Variants in PDE7B observed in about 807,000 individuals in gnomAD.
PDE7B encodes 3',5'-cyclic-AMP phosphodiesterase 7B.
In PDE7B, 29 loss-of-function variants were observed where a neutral mutation model predicts 56.2. The ratio of observed to expected loss-of-function variants is 0.52; its 90% CI spans 0.38 to 0.70. The LOEUF (loss-of-function observed/expected upper bound fraction) is 0.70, where lower values mean the gene tolerates loss of function less well. PDE7B is among the 30% of genes least tolerant of loss of function. PDE7B has a pLI of 0.00. For missense variants in PDE7B, 490 were observed against 565.0 expected (o/e 0.87, Z 1.35); for synonymous variants, 197 against 196.9 (o/e 1.00, Z 0.00).
At position 136,193,819 on chromosome 6, in the gene PDE7B, G is replaced by A. The variant is rs1314226886; in HGVS notation, c.*1979G>A. The A allele has an allele frequency of 1.3e-5, 2 of 152,210 alleles. No homozygotes were observed. Among genetic ancestry groups the A allele is most frequent in the Non-Finnish European group, 2.9e-5 (2 of 68,038 alleles). The allele number at this position is 152,210 out of a possible 1,614,324, so 9.4% of individuals were successfully genotyped here. A position where few individuals can be genotyped will look rare whatever the true frequency, so the allele number is the denominator to read the frequency against. On this transcript the variant is annotated 3_prime_UTR_variant, in exon 13 of 13. Transcript: ENST00000308191. The stretch of plus-strand genomic sequence containing the variant: ...AGGCTTGCAGAATTAAGGTTCAGGG[G>A]AAATTTTGGAAAGTTGGTTGTATTT...
intron 1 of PDE7B, among the ~76,000 whole-genome samples, chr6:135,888,136 T>G (rs1328401764): frequency 1.3e-5 from 2 of 152,158 alleles, no homozygotes; most frequent in East Asian, 3.8e-4. Flanking sequence ...CCCACGTAAT[T>G]GCTATGATAC....
intron 2 of PDE7B, among the ~76,000 whole-genome samples, chr6:136,042,279 C>T (rs535446046): frequency 6.6e-6 from 1 of 152,312 alleles, no homozygotes; most frequent in East Asian, 1.9e-4. Context: ...TAAGTAGCTT[C>T]TCAGATGCTG....
intron 1 of PDE7B, among the ~76,000 whole-genome samples, chr6:135,900,376 T>C (rs1449293635): frequency 6.6e-6 from 1 of 152,166 alleles, no homozygotes; most frequent in Non-Finnish European, 1.5e-5. Flanking sequence ...TTTACATCCT[T>C]GTCCTCAACT....
intron 2 of PDE7B, among the ~76,000 whole-genome samples, chr6:136,010,228 AT>A (rs999513263): frequency 5.3e-5 from 8 of 151,912 alleles, no homozygotes; most frequent in East Asian, 3.9e-4. Context: ...GTTTTGAGCA[AT>A]TTTTTTTATT....
chr6:136,102,759 A>C (rs1777584315), intron 2 of PDE7B, among the ~76,000 whole-genome samples: 1 of 152,174 alleles, frequency 6.6e-6, no homozygotes, highest in Admixed American at 6.5e-5. Context: ...AAAAATGAGG[A>C]TAGCTCTTGT....
At chr6:136,191,037 T>A (rs796326355) in intron 12 of PDE7B, among the ~76,000 whole-genome samples, 47 of 143,198 alleles carry the variant, frequency 3.3e-4, no homozygotes, top group Middle Eastern at 3.6e-3. Context: ...TTTTTTTTTT[T>A]ACTTATATGT....
At chr6:136,140,779 T>C (rs966323849) in intron 3 of PDE7B, among the ~76,000 whole-genome samples, 1 of 152,210 alleles carries the variant, frequency 6.6e-6, no homozygotes, top group Non-Finnish European at 1.5e-5. Flanking sequence ...CTGTTATTGG[T>C]GTATAAGAAT....
intron 12 of PDE7B, among the ~76,000 whole-genome samples, chr6:136,187,456 G>A (rs1219359983): frequency 6.6e-6 from 1 of 152,114 alleles, no homozygotes; most frequent in African/African-American, 2.4e-5. Context: ...CTTGAAGGTG[G>A]GAATCAGCAG....
chr6:136,016,538 A>G lies in PDE7B; in HGVS notation c.82+69014A>G, dbSNP rs537611054. Among the ~76,000 whole-genome samples the G allele has an allele frequency of 2.8e-4, 43 of 152,286 alleles. 1 individual carries two copies. Among genetic ancestry groups the G allele is most frequent in the Non-Finnish European group, 5.6e-4 (38 of 68,024 alleles). The stretch of plus-strand genomic sequence containing the variant: ...ACAACTCTGGAGAGGTTTTATTTTC[A>G]TTCTCATTTTCCAGTTGTCAAAACT... On this transcript the variant is annotated intron_variant, in intron 2 of 12. Transcript: ENST00000308191.
At chr6:135,967,526 G>A (rs115332144) in intron 2 of PDE7B, among the ~76,000 whole-genome samples, 1,615 of 152,192 alleles carry the variant, frequency 0.011, 30 homozygotes, top group African/African-American at 0.036. Context: ...CTAAGCTATC[G>A]CTGTGAAGGA....
intron 2 of PDE7B, among the ~76,000 whole-genome samples, chr6:136,056,512 C>CTTTTTTTTTTTTTT (rs542232291): frequency 1.9e-5 from 1 of 53,904 alleles, no homozygotes; most frequent in African/African-American, 9.6e-5. Context: ...AGATAGAATC[C>CTTTTTTTTTTTTTT]TTTTTTTTTT....
chr6:136,025,392 A>C (rs1022808968), intron 2 of PDE7B, among the ~76,000 whole-genome samples: 1 of 152,248 alleles, frequency 6.6e-6, no homozygotes, highest in Non-Finnish European at 1.5e-5. Flanking sequence ...ATTGGACTTC[A>C]CTAGGTTTAG....
intron 2 of PDE7B, 87 bp from the exon 3 acceptor site, chr6:136,108,644 G>C (rs908046574): frequency 1.6e-5 from 13 of 836,284 alleles, no homozygotes; most frequent in African/African-American, 3.3e-5. Flanking sequence ...CTGACATCTG[G>C]GGTTGGTTTC....
intron 2 of PDE7B, among the ~76,000 whole-genome samples, chr6:135,987,637 A>T (rs942394895): frequency 6.6e-6 from 1 of 152,146 alleles, no homozygotes; most frequent in Non-Finnish European, 1.5e-5. Flanking sequence ...TCGTGATCAC[A>T]CCAACGAGAA....
chr6:136,147,270 T>C, intron 3 of PDE7B, 81 bp from the exon 4 acceptor site: 1 of 845,268 alleles, frequency 1.2e-6, no homozygotes. Flanking sequence ...TCTCTTCTTT[T>C]AATGCATTTA....
At chr6:135,910,607 T>A (rs578112950) in intron 1 of PDE7B, among the ~76,000 whole-genome samples, 30 of 152,076 alleles carry the variant, frequency 2.0e-4, no homozygotes, top group Admixed American at 1.7e-3. Flanking sequence ...GTCCATAGAG[T>A]CCCTTAGGGT....
intron 6 of PDE7B, among the ~76,000 whole-genome samples, chr6:136,152,063 AGAAGAG>A (rs1295139242): frequency 6.6e-6 from 1 of 152,224 alleles, no homozygotes; most frequent in African/African-American, 2.4e-5. Flanking sequence ...AGGCTGAGGA[AGAAGAG>A]GAAGAGGAGG....
intron 1 of PDE7B, among the ~76,000 whole-genome samples, chr6:135,899,440 G>T (rs1274956948): frequency 6.6e-6 from 1 of 150,478 alleles, no homozygotes; most frequent in Non-Finnish European, 1.5e-5. Flanking sequence ...TATAGATATA[G>T]ATATATATGA....
At chr6:136,152,455 A>G (rs1469399160) in intron 6 of PDE7B, among the ~76,000 whole-genome samples, 1 of 152,212 alleles carries the variant, frequency 6.6e-6, no homozygotes, top group East Asian at 1.9e-4. Context: ...CATTTGTCCC[A>G]TAGTTTAGGA....
Sources: gnomAD v4.1 joint callset for allele counts (sites outside exome capture counted in the v4.1 genomes callset) on GRCh38, gnomAD v4.1.1 for gene constraint, MANE v1.5 for transcripts, NCBI Gene and HGNC (gene_info 2026-07-23, HGNC 2026-07-21) for gene names.